GATB: variants seen among roughly 807,000 people sequenced by gnomAD.
GATB encodes glutamyl-tRNA amidotransferase subunit B.
GATB carries 39 observed loss-of-function variants against 62.3 expected under a neutral mutation model. The observed-to-expected ratio is 0.63, with a 90% CI of 0.48 to 0.82. The LOEUF is 0.82. Ranked by LOEUF, GATB falls within the 40% of genes least tolerant of loss-of-function variation. GATB has a pLI of 0.00. For synonymous variants in GATB, 276 were observed against 258.9 expected (o/e 1.07, Z -0.63); for missense variants, 670 against 684.0 (o/e 0.98, Z 0.23).
At position 151,690,889 on chromosome 4, in the gene GATB, C is replaced by T. The variant is rs574763124; in HGVS notation, c.1198-2126G>A. ...ATGGGGTGAGCTATAGCGAGTGGGG[C>T]TGAAGGAGGCTGAGCTGCAGCCACC... On this transcript the variant is annotated intron_variant, in intron 9 of 12. Transcript: ENST00000263985. Among the ~76,000 whole-genome samples, 9 of 152,274 alleles carry T rather than the reference C, an allele frequency of 5.9e-5. No individual in the cohort carries two copies. In the East Asian group the frequency reaches 1.4e-3, roughly 23 times the overall value.
chr4:151,714,109 G>C (rs761299077), intron 5 of GATB, among the ~76,000 whole-genome samples: 6 of 152,176 alleles, frequency 3.9e-5, no homozygotes, highest in Non-Finnish European at 7.3e-5. Context: ...TTAATACTTT[G>C]GGCATCTCCA....
intron 10 of GATB, among the ~76,000 whole-genome samples, chr4:151,683,315 T>G (rs6823002): frequency 0.6 from 90,735 of 152,026 alleles, 29,627 homozygotes; most frequent in African/African-American, 0.88. Context: ...CCCTTGCTTG[T>G]GGCCAAACAT....
intron 5 of GATB, among the ~76,000 whole-genome samples, chr4:151,708,688 CA>C (rs1190647067): frequency 6.6e-6 from 1 of 152,242 alleles, no homozygotes; most frequent in Non-Finnish European, 1.5e-5. Flanking sequence ...CTTCCACAAA[CA>C]TGACTCCGAA....
chr4:151,678,130 C>CTT (rs1738048848), intron 11 of GATB, among the ~76,000 whole-genome samples: 1 of 152,116 alleles, frequency 6.6e-6, no homozygotes, highest in African/African-American at 2.4e-5. Flanking sequence ...AACCCCAAGG[C>CTT]AATGATACAT....
intron 2 of GATB, among the ~76,000 whole-genome samples, chr4:151,753,043 G>A (rs1315170160): frequency 1.3e-5 from 2 of 152,228 alleles, no homozygotes; most frequent in East Asian, 3.9e-4. Flanking sequence ...TGGGGGAGGA[G>A]GGGAAGAGGA....
chr4:151,681,048 T>C (rs951342963), intron 10 of GATB, among the ~76,000 whole-genome samples: 1 of 152,244 alleles, frequency 6.6e-6, no homozygotes, highest in Non-Finnish European at 1.5e-5. Flanking sequence ...AAATGCTTCA[T>C]GCCACTTGAA....
At chr4:151,732,007 T>G (rs1578929644) in intron 2 of GATB, among the ~76,000 whole-genome samples, 2 of 119,308 alleles carry the variant, frequency 1.7e-5, no homozygotes, top group Non-Finnish European at 1.8e-5. Context: ...GGGAGGGAGG[T>G]GGGGGGTCAG....
chr4:151,758,928 A>C lies in GATB; in HGVS notation c.177-6T>G. 6 of 1,592,800 alleles carry C rather than the reference A, an allele frequency of 3.8e-6. No homozygotes were observed. The highest frequency in any genetic ancestry group is 5.1e-6 in the Non-Finnish European group (6 of 1,169,680). The stretch of plus-strand genomic sequence containing the variant: ...CAGCAGCCCATTTGTGTTCACTAAG[A>C]AGAAAGAGATAATGGTTAAGATGTA... On this transcript the variant is annotated splice_region_variant and splice_polypyrimidine_tract_variant and intron_variant, in intron 1 of 12. Transcript: ENST00000263985.
rs28706249 is a variant in GATB at position 151,703,820 on chromosome 4, A to G, written c.1007+31T>C. 0.11 allele frequency: 165,904 copies of G among 1,453,914 alleles called. 10,532 individuals are homozygous for G. The highest frequency in any genetic ancestry group is 0.22 in the African/African-American group (15,752 of 71,744). 90.1% of individuals were successfully genotyped at this position (1,453,914 alleles called of 1,614,324 possible). ...TGAAATACGCCCCAGCCCCCGATAT[A>G]TAGCGGTATTTTGCCATAAGGAGTA... On this transcript the variant is annotated intron_variant, in intron 8 of 12. Coordinates refer to ENST00000263985, the MANE Select transcript of GATB (RefSeq NM_004564.3).
At chr4:151,724,650 T>C (rs113432103) in intron 2 of GATB, among the ~76,000 whole-genome samples, 16 of 152,154 alleles carry the variant, frequency 1.1e-4, no homozygotes, top group African/African-American at 3.4e-4. Flanking sequence ...AATGCCCTTC[T>C]TCCTCATCTG....
rs1212208232 is a variant in GATB at position 151,673,113 on chromosome 4, G to C, written c.1411-217C>G. 3 of 532,690 alleles carry C rather than the reference G, an allele frequency of 5.6e-6. No homozygotes were observed. In the African/African-American group the frequency reaches 5.6e-5, roughly 10 times the overall value. 33.0% of individuals were successfully genotyped at this position (532,690 alleles called of 1,614,324 possible). On this transcript the variant is annotated intron_variant, in intron 11 of 12. Transcript: ENST00000263985. The stretch of plus-strand genomic sequence containing the variant: ...CCTGAGTGCAGGGCTGGGGAACAAG[G>C]CCAGCTAGGTGGAGTGAATGCACCT...
chr4:151,735,205 A>C (rs1295465680), intron 2 of GATB, among the ~76,000 whole-genome samples: 1 of 151,408 alleles, frequency 6.6e-6, no homozygotes, highest in East Asian at 1.9e-4. Context: ...TAATAACCAG[A>C]GTCTACAACA....
At chr4:151,740,486 T>C (rs1423602327) in intron 2 of GATB, among the ~76,000 whole-genome samples, 1 of 152,240 alleles carries the variant, frequency 6.6e-6, no homozygotes, top group Non-Finnish European at 1.5e-5. Context: ...TCATGTATTA[T>C]GCCATGATGA....
chr4:151,704,602 C>T (rs1375709324), intron 7 of GATB, among the ~76,000 whole-genome samples: 1 of 151,452 alleles, frequency 6.6e-6, no homozygotes, highest in African/African-American at 2.4e-5. Context: ...TACAGGCGCC[C>T]GCCACCACAC....
chr4:151,717,317 T>C (rs1738934453), intron 3 of GATB: 1 of 519,370 alleles, frequency 1.9e-6, no homozygotes, highest in Non-Finnish European at 3.5e-6. Context: ...AACGATGCAA[T>C]AAACAACACG....
At chr4:151,750,172 C>A (rs527937373) in intron 2 of GATB, among the ~76,000 whole-genome samples, 2 of 152,200 alleles carry the variant, frequency 1.3e-5, no homozygotes, top group Non-Finnish European at 2.9e-5. Flanking sequence ...TGAGCCACCA[C>A]GCCCAGCCCC....
chr4:151,751,807 A>G (rs1055037551), intron 2 of GATB, among the ~76,000 whole-genome samples: 1 of 152,124 alleles, frequency 6.6e-6, no homozygotes, highest in East Asian at 1.9e-4. Context: ...CCTATTGCTC[A>G]TTCCTCTAAA....
At chr4:151,689,495 T>C (rs1738319102) in intron 9 of GATB, among the ~76,000 whole-genome samples, 1 of 152,126 alleles carries the variant, frequency 6.6e-6, no homozygotes, top group Non-Finnish European at 1.5e-5. Context: ...TCATCAAGAC[T>C]GTACCACTTC....
chr4:151,733,498 G>A (rs932652162), intron 2 of GATB, among the ~76,000 whole-genome samples: 2 of 152,236 alleles, frequency 1.3e-5, no homozygotes, highest in Admixed American at 6.5e-5. Context: ...ACCAAAAAAA[G>A]TCCAGGACCA....
Sources: gnomAD v4.1 joint callset for allele counts (sites outside exome capture counted in the v4.1 genomes callset) on GRCh38, gnomAD v4.1.1 for gene constraint, MANE v1.5 for transcripts, NCBI Gene and HGNC (gene_info 2026-07-23, HGNC 2026-07-21) for gene names.